The following ALX4 variants were observed in gnomAD, a reference collection of about 807,000 sequenced individuals.
ALX4 encodes ALX homeobox 4, also known as homeobox protein aristaless-like 4.
Under a neutral mutation model 40.6 loss-of-function variants are expected in ALX4, and 22 were observed. That is an observed-to-expected ratio of 0.54 (90% CI 0.39 to 0.77). ALX4 has a LOEUF of 0.77. ALX4 is among the 30% of genes least tolerant of loss of function. The pLI, the probability that ALX4 is intolerant of heterozygous loss-of-function variation, is 0.00. For synonymous variants in ALX4, 266 were observed against 240.5 expected (o/e 1.11, Z -0.98); for missense variants, 556 against 564.8 (o/e 0.98, Z 0.16).
At chr11:44,272,096 G>T (rs998577630) in intron 2 of ALX4, among the ~76,000 whole-genome samples, 1 of 152,204 alleles carries the variant, frequency 6.6e-6, no homozygotes, top group Non-Finnish European at 1.5e-5. Context: ...CATGTGAGTG[G>T]CTGGTTGTCC....
In ALX4 at chr11:44,264,815, C is replaced by A; in HGVS notation, c.*39G>T. On this transcript the variant is annotated 3_prime_UTR_variant, in exon 4 of 4. Transcript: ENST00000652299. Reference sequence around the variant, plus strand: ...GGGCCTGGAAAACATGGGCGTGGCCCATGGTGTCCCGAGGTGGGGACGGGG... The same window carrying A: ...GGGCCTGGAAAACATGGGCGTGGCCAATGGTGTCCCGAGGTGGGGACGGGG... 1 of 1,606,098 alleles carries A rather than the reference C, an allele frequency of 6.2e-7. No individual in the cohort carries two copies. The highest frequency in any genetic ancestry group is 8.5e-7 in the Non-Finnish European group (1 of 1,175,962).
chr11:44,287,020 T>C (rs915127370), intron 1 of ALX4, among the ~76,000 whole-genome samples: 1 of 152,168 alleles, frequency 6.6e-6, no homozygotes, highest in Non-Finnish European at 1.5e-5. Flanking sequence ...AAAAGCTCCC[T>C]AGGACACCCC....
At chr11:44,302,286 G>T (rs142241281) in intron 1 of ALX4, among the ~76,000 whole-genome samples, 1 of 152,098 alleles carries the variant, frequency 6.6e-6, no homozygotes, top group African/African-American at 2.4e-5. Context: ...CCTCGGCCTC[G>T]CCCTGAAACA....
intron 1 of ALX4, among the ~76,000 whole-genome samples, chr11:44,309,071 GCACCTGCGGCGCTCT>G (rs564109718): frequency 1.3e-3 from 200 of 152,280 alleles, no homozygotes; most frequent in Non-Finnish European, 2.3e-3. Context: ...GCCTGGCTCC[GCACCTGCGGCGCTCT>G]CACCTGCGGC....
chr11:44,264,913 T>C lies in ALX4; in HGVS notation c.1177A>G (p.Ile393Val), dbSNP rs1316438209. 2 of 1,613,048 alleles carry C rather than the reference T, an allele frequency of 1.2e-6. No homozygotes were observed. The highest frequency in any genetic ancestry group is 2.2e-5 in the East Asian group (1 of 44,866). The change falls in exon 4 of 4, where the codon ATC (isoleucine) becomes GTC (valine). Residue 393 changes from isoleucine to valine, a missense_variant. Physicochemically the swap from Ile to Val is conservative, Grantham distance 29. Coordinates refer to ENST00000652299, the MANE Select transcript of ALX4 (RefSeq NM_021926.4). ...NGEPDRKTSS[I>V]AALRMKAKEH... ...TTGGCCTTCATGCGGAGGGCCGCGA[T>C]GCTCGAGGTCTTGCGGTCCGGCTCG...
intron 1 of ALX4, among the ~76,000 whole-genome samples, chr11:44,279,686 C>T (rs548581788): frequency 6.6e-6 from 1 of 152,306 alleles, no homozygotes; most frequent in African/African-American, 2.4e-5. Flanking sequence ...CTCCAAGATC[C>T]AATGCTCCTC....
At chr11:44,283,846 G>T (rs1956323500) in intron 1 of ALX4, among the ~76,000 whole-genome samples, 2 of 152,096 alleles carry the variant, frequency 1.3e-5, no homozygotes, top group Admixed American at 1.3e-4. Flanking sequence ...TTACAGGCAT[G>T]GACCACCGCG....
chr11:44,276,975 AGG>A (rs1253614033), intron 1 of ALX4, among the ~76,000 whole-genome samples: 1 of 152,126 alleles, frequency 6.6e-6, no homozygotes, highest in African/African-American at 2.4e-5. Flanking sequence ...CTGGGGGCTA[AGG>A]ACCCCTGGTT....
At chr11:44,297,879 C>G (rs532942385) in intron 1 of ALX4, among the ~76,000 whole-genome samples, 62 of 152,310 alleles carry the variant, frequency 4.1e-4, no homozygotes, top group African/African-American at 1.5e-3. Context: ...TTTCCTGAGT[C>G]TAGAGGGCCT....
At chr11:44,304,600 G>T (rs1184252125) in intron 1 of ALX4, among the ~76,000 whole-genome samples, 1 of 152,182 alleles carries the variant, frequency 6.6e-6, no homozygotes, top group African/African-American at 2.4e-5. Context: ...CTGCAGAGAA[G>T]CCCGAAGCCC....
intron 1 of ALX4, among the ~76,000 whole-genome samples, chr11:44,307,679 T>A (rs1956477124): frequency 6.6e-6 from 1 of 152,178 alleles, no homozygotes. Flanking sequence ...CACCTAATAG[T>A]CCTGAATGAC....
Position 44,263,306 on chromosome 11 carries a change from C to CA in ALX4, c.*1547dup, listed in dbSNP as rs1486830517. 6.6e-6 allele frequency: 1 copy of CA among 152,322 alleles called. No homozygotes were observed. Among genetic ancestry groups the CA allele is most frequent in the Non-Finnish European group, 1.5e-5 (1 of 68,144 alleles). 9.4% of individuals were successfully genotyped at this position (152,322 alleles called of 1,614,324 possible). A position where few individuals can be genotyped will look rare whatever the true frequency, so the allele number is the denominator to read the frequency against. On this transcript the variant is annotated 3_prime_UTR_variant, in exon 4 of 4. Transcript: ENST00000652299. The stretch of plus-strand genomic sequence containing the variant: ...GAGGGACCCCCCACCTGGGGTCTGA[C>CA]AGGCCTGCCTCTGGACGGTTACTGT...
At chr11:44,307,813 G>A (rs71490060) in intron 1 of ALX4, among the ~76,000 whole-genome samples, 1 of 152,080 alleles carries the variant, frequency 6.6e-6, no homozygotes, top group Non-Finnish European at 1.5e-5. Flanking sequence ...TCCATGTGCG[G>A]AGCTGTGTGT....
chr11:44,278,353 C>T (rs1346872090), intron 1 of ALX4, among the ~76,000 whole-genome samples: 1 of 152,208 alleles, frequency 6.6e-6, no homozygotes, highest in Non-Finnish European at 1.5e-5. Flanking sequence ...TCTACTCCCT[C>T]CCCTGCGGTC....
intron 1 of ALX4, among the ~76,000 whole-genome samples, chr11:44,288,851 TA>T (rs1434587789): frequency 1.3e-5 from 2 of 152,050 alleles, no homozygotes; most frequent in East Asian, 1.9e-4. Flanking sequence ...TTTCCTTGTA[TA>T]AAAAAAAGAA....
chr11:44,275,353 C>G lies in ALX4; in HGVS notation c.772G>C (p.Val258Leu). The change falls in exon 2 of 4, where the codon GTG becomes CTG. Residue 258 changes from valine to leucine, a missense_variant. Physicochemically the swap from Val to Leu is conservative, Grantham distance 32. Transcript: ENST00000652299. ...AMRTDLTEAR[V>L]QVWFQNRRAK... ...CCCAGGTGGCCCTCACTGACCTGCACGCGGGCCTCAGTGAGGTCTGTCCTC... is the reference window on the plus strand; with the variant it reads ...CCCAGGTGGCCCTCACTGACCTGCAGGCGGGCCTCAGTGAGGTCTGTCCTC... The G allele has an allele frequency of 1.9e-6, 3 of 1,614,194 alleles. No individual in the cohort carries two copies. The highest frequency in any genetic ancestry group is 2.5e-6 in the Non-Finnish European group (3 of 1,180,040).
Position 44,265,056 on chromosome 11 carries a change from C to T in ALX4, c.1034G>A (p.Ser345Asn), listed in dbSNP as rs749390789. ...HAHPPGSGAS[S>N]VTDFLSVSGA... Reference sequence around the variant, plus strand: ...AGACACACTCAGGAAGTCGGTGACGCTGCTGGCCCCAGAGCCAGGGGGGTG... The same window carrying T: ...AGACACACTCAGGAAGTCGGTGACGTTGCTGGCCCCAGAGCCAGGGGGGTG... Residue 345 changes from serine (S) to asparagine (N), a missense_variant, in exon 4 of 4, where the codon AGC becomes AAC. By Grantham distance (46) the Ser-to-Asn change is conservative. Coordinates refer to ENST00000652299, the MANE Select transcript of ALX4 (RefSeq NM_021926.4). The T allele has an allele frequency of 6.2e-7, 1 of 1,613,048 alleles. No homozygotes were observed. The highest frequency in any genetic ancestry group is 1.1e-5 in the South Asian group (1 of 91,084).
chr11:44,294,098 C>T (rs1446894721), intron 1 of ALX4, among the ~76,000 whole-genome samples: 2 of 152,220 alleles, frequency 1.3e-5, no homozygotes, highest in Non-Finnish European at 2.9e-5. Flanking sequence ...GGCATGAGCC[C>T]CCTGGGCAGG....
Position 44,265,005 on chromosome 11 carries a change from G to A in ALX4, c.1085C>T (p.Thr362Met), listed in dbSNP as rs61737293. The change falls in exon 4 of 4, where the codon ACG becomes ATG. Residue 362 changes from threonine to methionine, a missense_variant. Coordinates refer to ENST00000652299, the MANE Select transcript of ALX4 (RefSeq NM_021926.4). ...VSGAGSHVGQTHMGSLFGAAS... is the reference protein window; with the variant it reads ...VSGAGSHVGQMHMGSLFGAAS... ...TGCTCCAAACAGGCTGCCCATGTGC[G>A]TCTGGCCCACGTGACTGCCAGCCCC... 1.8e-4 allele frequency: 285 copies of A among 1,612,956 alleles called. No individual in the cohort carries two copies. Among genetic ancestry groups the A allele is most frequent in the Middle Eastern group, 3.3e-4 (2 of 6,084 alleles).
Sources: gnomAD v4.1 joint callset for allele counts (sites outside exome capture counted in the v4.1 genomes callset) on GRCh38, gnomAD v4.1.1 for gene constraint, MANE v1.5 for transcripts, NCBI Gene and HGNC (gene_info 2026-07-23, HGNC 2026-07-21) for gene names.